The following DNAH3 variants were observed in gnomAD, a reference collection of about 807,000 sequenced individuals.
The protein encoded by DNAH3 is axonemal beta dynein heavy chain 3.
A neutral mutation model predicts 432.5 loss-of-function variants in DNAH3; 332 were observed. That is an observed-to-expected ratio of 0.77 (90% CI 0.70 to 0.84). DNAH3 has a LOEUF of 0.84. Ranked by LOEUF, DNAH3 falls within the 40% of genes least tolerant of loss-of-function variation. The pLI, the probability that DNAH3 is intolerant of heterozygous loss-of-function variation, is 0.00. For missense variants in DNAH3, 4,861 were observed against 5,114.0 expected (o/e 0.95, Z 1.51); for synonymous variants, 1,956 against 1,900.2 (o/e 1.03, Z -0.76).
chr16:21,075,461 T>G, exon 21 of DNAH3: 1 of 1,613,698 alleles, frequency 6.2e-7, no homozygotes, highest in Non-Finnish European at 8.5e-7. Flanking sequence ...TCCCTGTATT[T>G]CACGAAGCTG....
At chr16:21,104,561 A>T in intron 15 of DNAH3, 1 of 1,613,214 alleles carries the variant, frequency 6.2e-7, no homozygotes, top group Middle Eastern at 1.7e-4. Flanking sequence ...GTCTGGCCAG[A>T]GGAACAGAGT....
At chr16:20,952,498 C>A in exon 56 of DNAH3, 1 of 1,613,572 alleles carries the variant, frequency 6.2e-7, no homozygotes, top group Middle Eastern at 1.7e-4. Flanking sequence ...CTGGATCTGC[C>A]ACATACTAAT....
intron 7 of DNAH3, among the ~76,000 whole-genome samples, chr16:21,130,319 T>A (rs2092533600): frequency 6.6e-6 from 1 of 151,140 alleles, no homozygotes; most frequent in Non-Finnish European, 1.5e-5. Context: ...TTTTTTTTTT[T>A]TTCTTGAGAC....
chr16:21,058,220 T>C, intron 26 of DNAH3, 24 bp from the exon 27 acceptor site: 1 of 1,423,798 alleles, frequency 7.0e-7, no homozygotes, highest in Non-Finnish European at 9.9e-7. Context: ...GTGGGCATGT[T>C]ATAGGATCAG....
intron 49 of DNAH3, among the ~76,000 whole-genome samples, chr16:20,982,254 G>A (rs1184347386): frequency 1.3e-5 from 2 of 151,954 alleles, no homozygotes; most frequent in African/African-American, 2.4e-5. Flanking sequence ...CGTGATGGCA[G>A]GTGCCTGTAA....
intron 31 of DNAH3, among the ~76,000 whole-genome samples, chr16:21,042,666 A>T (rs2089499301): frequency 6.6e-6 from 1 of 151,730 alleles, no homozygotes; most frequent in Non-Finnish European, 1.5e-5. Flanking sequence ...AGACAGCAAG[A>T]TCTTTTTTCT....
chr16:21,133,454 G>A (rs2092598436), intron 7 of DNAH3, among the ~76,000 whole-genome samples: 1 of 151,660 alleles, frequency 6.6e-6, no homozygotes, highest in Non-Finnish European at 1.5e-5. Context: ...TTATAACCAA[G>A]GGTGAGCTGG....
intron 41 of DNAH3, among the ~76,000 whole-genome samples, chr16:21,003,441 T>C (rs1394718118): frequency 6.6e-6 from 1 of 152,174 alleles, no homozygotes; most frequent in East Asian, 1.9e-4. Context: ...ATTATGCAAA[T>C]TATTAAATTA....
intron 36 of DNAH3, among the ~76,000 whole-genome samples, chr16:21,032,422 A>G (rs1263969256): frequency 6.6e-6 from 1 of 152,128 alleles, no homozygotes; most frequent in Non-Finnish European, 1.5e-5. Context: ...TGGATGGCAC[A>G]GCATATGTAT....
intron 33 of DNAH3, 109 bp from the exon 34 acceptor site, chr16:21,038,089 G>T: frequency 1.2e-6 from 1 of 836,936 alleles, no homozygotes; most frequent in Non-Finnish European, 1.9e-6. Flanking sequence ...GCATGCCCAT[G>T]GACTTGATGG....
At position 21,064,968 on chromosome 16, in the gene DNAH3, G is replaced by C. The variant is rs1430081580; in HGVS notation, c.3519-2285C>G. 2.7e-5 allele frequency among the ~76,000 whole-genome samples: 4 copies of C among 149,990 alleles called. No homozygotes were observed. In the East Asian group the frequency reaches 7.9e-4, roughly 30 times the overall value. ...CTGAATATCTTATCCAGACTTCCTG[G>C]GTATCAATTCTAGCTTGATCATTTT... On this transcript the variant is annotated intron_variant, in intron 24 of 61. Transcript: ENST00000261383.
chr16:21,117,579 A>G (rs1161071416), intron 11 of DNAH3, among the ~76,000 whole-genome samples: 1 of 152,064 alleles, frequency 6.6e-6, no homozygotes, highest in Non-Finnish European at 1.5e-5. Context: ...TTGTCCTTTG[A>G]GAGTCCCCCT....
intron 10 of DNAH3, chr16:21,120,910 A>G: frequency 7.6e-7 from 1 of 1,323,876 alleles, no homozygotes; most frequent in Non-Finnish European, 1.1e-6. Flanking sequence ...TTTCCTTCCT[A>G]GGGATACTGG....
intron 1 of DNAH3, among the ~76,000 whole-genome samples, chr16:21,147,055 C>T (rs1475498241): frequency 2.6e-5 from 4 of 151,882 alleles, no homozygotes; most frequent in Admixed American, 2.6e-4. Flanking sequence ...CCACCACGCC[C>T]GGCCCCTGCT....
intron 38 of DNAH3, 146 bp downstream of exon 38, chr16:21,026,881 T>TA (rs1199197499): frequency 1.7e-6 from 1 of 591,192 alleles, no homozygotes; most frequent in Admixed American, 2.9e-5. Flanking sequence ...CCCTGGAACC[T>TA]AAAATAAAAA....
At chr16:21,095,542 G>C (rs1289041428) in intron 18 of DNAH3, among the ~76,000 whole-genome samples, 13 of 152,098 alleles carry the variant, frequency 8.5e-5, no homozygotes, top group Admixed American at 8.5e-4. Context: ...GGTTACAACT[G>C]GGGGGAGGAT....
intron 24 of DNAH3, among the ~76,000 whole-genome samples, chr16:21,063,191 G>C (rs1270118214): frequency 4.6e-5 from 7 of 152,192 alleles, no homozygotes; most frequent in Admixed American, 4.6e-4. Flanking sequence ...ATCACCTGGG[G>C]AGCTTATACA....
Position 21,134,544 on chromosome 16 carries a change from G to C in DNAH3, c.887-90C>G, listed in dbSNP as rs148021085. 1.4e-4 allele frequency: 181 copies of C among 1,262,328 alleles called. No individual in the cohort carries two copies. The African/African-American group carries it at 2.4e-3, about 17-fold the overall frequency. 78.2% of individuals were successfully genotyped at this position (1,262,328 alleles called of 1,614,324 possible). On this transcript the variant is annotated intron_variant, in intron 6 of 61. Coordinates refer to ENST00000261383, the Ensembl canonical transcript of DNAH3. ...CATTTAGTTTTGTTTTTAATATAGA[G>C]ACGGGGTCTCACTAAGTTGGCCAGG...
chr16:21,058,129 C>G (rs1389297864), exon 27 of DNAH3: 1 of 1,613,884 alleles, frequency 6.2e-7, no homozygotes. Flanking sequence ...CTCCTGGGTC[C>G]AAAAGATGGA....
Sources: gnomAD v4.1 joint callset for allele counts (sites outside exome capture counted in the v4.1 genomes callset) on GRCh38, gnomAD v4.1.1 for gene constraint, MANE v1.5 for transcripts, NCBI Gene and HGNC (gene_info 2026-07-23, HGNC 2026-07-21) for gene names.